Variants in TAFA1 observed in about 807,000 individuals in gnomAD.
TAFA1 encodes the protein chemokine-like protein TAFA-1.
Under a neutral mutation model 18.5 loss-of-function variants are expected in TAFA1, and 4 were observed. That is an observed-to-expected ratio of 0.22 (90% confidence interval 0.11 to 0.49). The LOEUF is 0.49. TAFA1 is among the 20% of genes least tolerant of loss of function. The pLI is 0.98. For synonymous variants in TAFA1, 56 were observed against 55.2 expected, an observed-to-expected ratio of 1.01 and a Z score of -0.06; for missense variants, 147 against 169.0, an observed-to-expected ratio of 0.87 and a Z score of 0.72.
chr3:68,340,434 A>G (rs940900381), intron 2 of TAFA1, among the ~76,000 whole-genome samples: 6 of 152,230 alleles, frequency 3.9e-5, no homozygotes, highest in African/African-American at 7.2e-5. Flanking sequence ...ATGACTTTAA[A>G]TGTAGAAGGC....
chr3:68,089,395 A>G, intron 2 of TAFA1, among the ~76,000 whole-genome samples: 1 of 152,198 alleles, frequency 6.6e-6, no homozygotes. Flanking sequence ...CATTACAATG[A>G]TGGAAGTATA....
At chr3:68,257,240 C>G (rs1264547400) in intron 2 of TAFA1, among the ~76,000 whole-genome samples, 2 of 152,086 alleles carry the variant, frequency 1.3e-5, no homozygotes, top group Non-Finnish European at 2.9e-5. Flanking sequence ...GGATGGCACT[C>G]CTTTAAAGCC....
chr3:68,405,286 T>G (rs2070576638), intron 2 of TAFA1, among the ~76,000 whole-genome samples: 1 of 152,092 alleles, frequency 6.6e-6, no homozygotes, highest in Non-Finnish European at 1.5e-5. Context: ...CAGTATGTAT[T>G]CCTGCTTGTA....
rs1704725324 is a variant in TAFA1, at chr3:68,022,845, TA to T, written c.118+16102del. ...TATTATATATAATATATATATATTA[TA>T]TATATATATATATAAAATTAAGATT... On this transcript the variant is annotated intron_variant, in intron 2 of 4. Coordinates refer to ENST00000478136, the MANE Select transcript of TAFA1 (RefSeq NM_213609.4). Among the ~76,000 whole-genome samples the T allele has an allele frequency of 0.017, 19 of 1,088 alleles. No homozygotes were observed. In the South Asian group the frequency reaches 0.3, roughly 17 times the overall value. The allele number at this position is 1,088 out of a possible 152,430, so 0.7% of individuals were successfully genotyped here. A position where few individuals can be genotyped will look rare whatever the true frequency, so the allele number is the denominator to read the frequency against.
At chr3:68,072,396 G>C (rs2064766937) in intron 2 of TAFA1, among the ~76,000 whole-genome samples, 1 of 152,148 alleles carries the variant, frequency 6.6e-6, no homozygotes, top group Admixed American at 6.5e-5. Context: ...TAAAGTGATG[G>C]AGAACCATTC....
intron 2 of TAFA1, among the ~76,000 whole-genome samples, chr3:68,222,470 T>G (rs2107095935): frequency 6.6e-6 from 1 of 152,318 alleles, no homozygotes; most frequent in South Asian, 2.1e-4. Context: ...CCTTCAGGGT[T>G]ACTAGCTTAG....
At chr3:68,414,717 G>C (rs2070778465) in intron 2 of TAFA1, among the ~76,000 whole-genome samples, 1 of 152,166 alleles carries the variant, frequency 6.6e-6, no homozygotes, top group South Asian at 2.1e-4. Context: ...GACAGGCTTT[G>C]GACCTTCAGT....
chr3:68,021,902 G>T lies in TAFA1; in HGVS notation c.118+15158G>T, dbSNP rs182308757. ...AGGCATTAGCTCTCTACTGAAGAGG[G>T]CAAAAACCATATAGAAGCCTTACCA... On this transcript the variant is annotated intron_variant, in intron 2 of 4. Transcript: ENST00000478136. Among the ~76,000 whole-genome samples, 34 of 152,192 alleles carry T rather than the reference G, an allele frequency of 2.2e-4. No homozygotes were observed. In the East Asian group the frequency reaches 6.6e-3, roughly 29 times the overall value.
intron 3 of TAFA1, among the ~76,000 whole-genome samples, chr3:68,507,729 C>G (rs1160247663): frequency 6.6e-6 from 1 of 152,048 alleles, no homozygotes; most frequent in African/African-American, 2.4e-5. Context: ...ATGTACACCT[C>G]TTAACCAACC....
chr3:68,080,859 T>C (rs1053550254), intron 2 of TAFA1, among the ~76,000 whole-genome samples: 1 of 152,182 alleles, frequency 6.6e-6, no homozygotes, highest in African/African-American at 2.4e-5. Flanking sequence ...AACGTTGGCC[T>C]ACCTTGCTAG....
At chr3:68,160,877 A>G (rs1320934848) in intron 2 of TAFA1, among the ~76,000 whole-genome samples, 2 of 152,166 alleles carry the variant, frequency 1.3e-5, no homozygotes, top group South Asian at 2.1e-4. Context: ...CCTTGCCACA[A>G]CTGGCCTTTC....
At chr3:68,143,857 A>G (rs1007018444) in intron 2 of TAFA1, among the ~76,000 whole-genome samples, 11 of 152,180 alleles carry the variant, frequency 7.2e-5, no homozygotes, top group Middle Eastern at 6.3e-3. Context: ...CTAGAATTCC[A>G]GGGTACTTTT....
At position 68,384,481 on chromosome 3, in the gene TAFA1, G is replaced by T. The variant is rs77755959; in HGVS notation, c.119-32799G>T. Among the ~76,000 whole-genome samples the T allele has an allele frequency of 5.9e-3, 895 of 152,150 alleles. 6 individuals carry two copies. The highest frequency in any genetic ancestry group is 0.017 in the Middle Eastern group (5 of 294). On this transcript the variant is annotated intron_variant, in intron 2 of 4. Transcript: ENST00000478136. ...TAAATGTACTTGTATGGTTTTGAGTGAATTTCTTTGTTTTGATTTCTAATT... is the reference window on the plus strand; with the variant it reads ...TAAATGTACTTGTATGGTTTTGAGTTAATTTCTTTGTTTTGATTTCTAATT...
chr3:68,463,735 A>T (rs1309868964), intron 3 of TAFA1, among the ~76,000 whole-genome samples: 1 of 152,144 alleles, frequency 6.6e-6, no homozygotes, highest in Non-Finnish European at 1.5e-5. Flanking sequence ...TCAAAATCTT[A>T]TGACAGTTTT....
chr3:68,263,855 G>A (rs2067486942), intron 2 of TAFA1, among the ~76,000 whole-genome samples: 1 of 152,068 alleles, frequency 6.6e-6, no homozygotes, highest in Non-Finnish European at 1.5e-5. Flanking sequence ...ACCATATTTA[G>A]ACAAACATTG....
intron 3 of TAFA1, among the ~76,000 whole-genome samples, chr3:68,433,064 G>A (rs139623869): frequency 1.6e-4 from 25 of 152,064 alleles, no homozygotes; most frequent in African/African-American, 3.9e-4. Context: ...AGACATCTCC[G>A]TTTGGATTTC....
chr3:68,523,334 A>C (rs2073057064), intron 3 of TAFA1, among the ~76,000 whole-genome samples: 1 of 152,234 alleles, frequency 6.6e-6, no homozygotes, highest in Non-Finnish European at 1.5e-5. Context: ...TTGGTGATTA[A>C]TTTCAATTAT....
chr3:68,355,808 G>T (rs2069351273), intron 2 of TAFA1, among the ~76,000 whole-genome samples: 1 of 151,970 alleles, frequency 6.6e-6, no homozygotes, highest in Non-Finnish European at 1.5e-5. Flanking sequence ...TGAAGTGACT[G>T]CTTGTAAGGT....
intron 2 of TAFA1, among the ~76,000 whole-genome samples, chr3:68,255,898 T>G (rs946957739): frequency 6.6e-6 from 1 of 152,074 alleles, no homozygotes; most frequent in African/African-American, 2.4e-5. Context: ...CACTTTTAAT[T>G]AACAGAAGAG....
Sources: gnomAD v4.1 joint callset for allele counts (sites outside exome capture counted in the v4.1 genomes callset) on GRCh38, gnomAD v4.1.1 for gene constraint, MANE v1.5 for transcripts, NCBI Gene and HGNC (gene_info 2026-07-23, HGNC 2026-07-21) for gene names.